The following HOMER1 variants were observed in gnomAD, a reference collection of about 807,000 sequenced individuals.
HOMER1 encodes homer scaffold protein 1.
Under a neutral mutation model 48.9 loss-of-function variants are expected in HOMER1, and 3 were observed. The ratio of observed to expected loss-of-function variants is 0.06; its 90% CI spans 0.03 to 0.16. The LOEUF (loss-of-function observed/expected upper bound fraction) is 0.16. HOMER1 is among the 10% of genes least tolerant of loss of function. The probability of loss-of-function intolerance (pLI) is 1.00; values close to 1 mark genes in which losing one functional copy is unlikely to be tolerated. For missense variants in HOMER1, 247 were observed against 411.4 expected (o/e 0.60, Z 3.46); for synonymous variants, 134 against 146.4 (o/e 0.92, Z 0.61).
At chr5:79,387,848 A>G (rs957208123) in intron 8 of HOMER1, among the ~76,000 whole-genome samples, 2 of 152,360 alleles carry the variant, frequency 1.3e-5, no homozygotes, top group Admixed American at 6.5e-5. Flanking sequence ...TAAACTATAC[A>G]AACTATACAA....
chr5:79,505,562 C>G (rs1752744236), intron 1 of HOMER1, among the ~76,000 whole-genome samples: 1 of 152,120 alleles, frequency 6.6e-6, no homozygotes, highest in African/African-American at 2.4e-5. Flanking sequence ...ATGGTGCCAA[C>G]ACTTCTCAAA....
chr5:79,450,861 T>C (rs1751008809), intron 3 of HOMER1, 129 bp downstream of exon 3: 1 of 829,534 alleles, frequency 1.2e-6, no homozygotes, highest in Non-Finnish European at 1.8e-6. Context: ...TGCTCTGAAG[T>C]CACTACTGCT....
At chr5:79,397,997 T>C (rs2112215270) in intron 6 of HOMER1, 1 of 156,464 alleles carries the variant, frequency 6.4e-6, no homozygotes, top group Non-Finnish European at 1.4e-5. Flanking sequence ...AAATTCAATA[T>C]GGGTTCTGAA....
At chr5:79,416,266 C>A (rs1749940817) in intron 5 of HOMER1, among the ~76,000 whole-genome samples, 1 of 152,072 alleles carries the variant, frequency 6.6e-6, no homozygotes, top group African/African-American at 2.4e-5. Context: ...CAAGTTTAAA[C>A]CTTTTATGTA....
At chr5:79,500,783 C>A (rs938172414) in intron 1 of HOMER1, among the ~76,000 whole-genome samples, 1 of 151,946 alleles carries the variant, frequency 6.6e-6, no homozygotes, top group Non-Finnish European at 1.5e-5. Context: ...CGCTACCACA[C>A]ACAGCTAATT....
intron 1 of HOMER1, among the ~76,000 whole-genome samples, chr5:79,465,010 G>C (rs1172753011): frequency 6.6e-6 from 1 of 152,010 alleles, no homozygotes; most frequent in Admixed American, 6.5e-5. Flanking sequence ...TATAATAGAA[G>C]TATCGAGACT....
intron 5 of HOMER1, among the ~76,000 whole-genome samples, chr5:79,421,753 C>A (rs1022252396): frequency 6.6e-6 from 1 of 151,794 alleles, no homozygotes; most frequent in Admixed American, 6.6e-5. Context: ...TACAGGCACC[C>A]GCCACCATGC....
intron 8 of HOMER1, among the ~76,000 whole-genome samples, chr5:79,385,408 C>A (rs979568207): frequency 6.6e-6 from 1 of 152,040 alleles, no homozygotes; most frequent in Non-Finnish European, 1.5e-5. Context: ...CAACAAAAAA[C>A]CACAAATAAC....
At position 79,480,351 on chromosome 5, in the gene HOMER1, T is replaced by TA. The variant is rs571068867; in HGVS notation, c.6-23334dup. ...CAACTCTAAGATATAAAAGTAGATT[T>TA]AAAAAATAATAACATGACTTGTTGG... On this transcript the variant is annotated intron_variant, in intron 1 of 8. Coordinates refer to ENST00000334082, the MANE Select transcript of HOMER1 (RefSeq NM_004272.5). Among the ~76,000 whole-genome samples the TA allele has an allele frequency of 1.8e-3, 271 of 152,242 alleles. 2 individuals carry two copies. Among genetic ancestry groups the TA allele is most frequent in the African/African-American group, 5.9e-3 (244 of 41,578 alleles).
chr5:79,391,626 G>A (rs1580419254), intron 8 of HOMER1, among the ~76,000 whole-genome samples: 1 of 151,566 alleles, frequency 6.6e-6, no homozygotes, highest in Non-Finnish European at 1.5e-5. Context: ...TGTGCCTGTA[G>A]TCCCAGCTAC....
intron 4 of HOMER1, among the ~76,000 whole-genome samples, chr5:79,444,936 T>C (rs143712131): frequency 2.6e-3 from 402 of 152,304 alleles, no homozygotes; most frequent in African/African-American, 9.5e-3. Context: ...TCATTGCATG[T>C]ACAGACGTAT....
At chr5:79,401,775 C>A in intron 6 of HOMER1, 124 bp downstream of exon 6, 1 of 877,912 alleles carries the variant, frequency 1.1e-6, no homozygotes, top group East Asian at 2.5e-5. Context: ...ATCATACAAC[C>A]CATATCTATG....
chr5:79,422,922 A>G lies in HOMER1; in HGVS notation c.527+16088T>C, dbSNP rs146484070. 3.4e-4 allele frequency among the ~76,000 whole-genome samples: 51 copies of G among 151,236 alleles called. No individual in the cohort carries two copies. The East Asian group carries it at 6.8e-3, about 20-fold the overall frequency. ...AGAAACATGAAGAACAACAAAGATG[A>G]CCTTTCTCTCATTTGTTATCACTAA... On this transcript the variant is annotated intron_variant, in intron 5 of 8. Coordinates refer to ENST00000334082, the MANE Select transcript of HOMER1 (RefSeq NM_004272.5).
intron 5 of HOMER1, among the ~76,000 whole-genome samples, chr5:79,418,342 T>C (rs1249091887): frequency 1.3e-5 from 2 of 152,196 alleles, no homozygotes. Context: ...TTCTAAAGCC[T>C]TCCTGATCGG....
chr5:79,424,075 C>G (rs1750177046), intron 5 of HOMER1, among the ~76,000 whole-genome samples: 1 of 152,058 alleles, frequency 6.6e-6, no homozygotes, highest in South Asian at 2.1e-4. Flanking sequence ...AGAAGCCCTT[C>G]TAAGTTTTAA....
chr5:79,458,921 A>G (rs919365641), intron 1 of HOMER1, among the ~76,000 whole-genome samples: 2 of 152,192 alleles, frequency 1.3e-5, no homozygotes, highest in Non-Finnish European at 2.9e-5. Context: ...GTTATCTTCC[A>G]AAACCCCTGC....
At chr5:79,425,992 T>C (rs925402013) in intron 5 of HOMER1, among the ~76,000 whole-genome samples, 4 of 151,600 alleles carry the variant, frequency 2.6e-5, no homozygotes, top group Non-Finnish European at 4.4e-5. Context: ...GGAACCTTTC[T>C]CCATTAACTA....
At chr5:79,390,210 C>T (rs1205953573) in intron 8 of HOMER1, among the ~76,000 whole-genome samples, 1 of 152,052 alleles carries the variant, frequency 6.6e-6, no homozygotes, top group Admixed American at 6.6e-5. Flanking sequence ...TTCTTGAGCC[C>T]AGGAGGTCGA....
intron 7 of HOMER1, 149 bp downstream of exon 7, chr5:79,397,378 A>G (rs1317070867): frequency 3.2e-6 from 2 of 617,664 alleles, no homozygotes; most frequent in Non-Finnish European, 5.6e-6. Flanking sequence ...AATATGAGCA[A>G]GCTTAATACC....
Sources: gnomAD v4.1 joint callset for allele counts (sites outside exome capture counted in the v4.1 genomes callset) on GRCh38, gnomAD v4.1.1 for gene constraint, MANE v1.5 for transcripts, NCBI Gene and HGNC (gene_info 2026-07-23, HGNC 2026-07-21) for gene names.